The following CCDC57 variants were observed in gnomAD, a reference collection of about 807,000 sequenced individuals.
CCDC57 encodes the protein coiled-coil domain-containing protein 57.
A neutral mutation model predicts 118.9 loss-of-function variants in CCDC57; 118 were observed. The ratio of observed to expected loss-of-function variants is 0.99; its 90% CI spans 0.86 to 1.16. The LOEUF (loss-of-function observed/expected upper bound fraction) is 1.16, where lower values mean the gene tolerates loss of function less well. CCDC57 is among the 50% of genes most tolerant of loss of function. The probability of loss-of-function intolerance (pLI) is 0.00; values close to 1 mark genes in which losing one functional copy is unlikely to be tolerated. For synonymous variants in CCDC57, 527 were observed against 532.9 expected (o/e 0.99, Z 0.15); for missense variants, 1,300 against 1,320.7 (o/e 0.98, Z 0.24).
At chr17:82,124,953 G>A (rs1427662902) in intron 19 of CCDC57, among the ~76,000 whole-genome samples, 1 of 152,184 alleles carries the variant, frequency 6.6e-6, no homozygotes, top group Admixed American at 6.5e-5. Flanking sequence ...GTTTTGTGGT[G>A]AATTAAAAAT....
chr17:82,201,396 A>C lies in CCDC57; in HGVS notation c.407+142T>G. The C allele has an allele frequency of 2.8e-6, 3 of 1,070,712 alleles. No homozygotes were observed. The East Asian group carries it at 7.9e-5, about 28-fold the overall frequency. 66.3% of individuals were successfully genotyped at this position (1,070,712 alleles called of 1,614,324 possible). A position where few individuals can be genotyped will look rare whatever the true frequency, so the allele number is the denominator to read the frequency against. On this transcript the variant is annotated intron_variant, in intron 3 of 19. Coordinates refer to ENST00000665763, the Ensembl canonical transcript of CCDC57. ...CCACGAGGCACTCGGCCACTCAGAC[A>C]GACCAGCTCCCGTGGCCTGGAATCA...
chr17:82,116,388 G>A (rs2035921028), intron 19 of CCDC57, among the ~76,000 whole-genome samples: 1 of 152,000 alleles, frequency 6.6e-6, no homozygotes, highest in South Asian at 2.1e-4. Context: ...CCCACCCCCA[G>A]GGAGCGGCCC....
chr17:82,101,867 C>T lies in CCDC57; in HGVS notation c.2900-1G>A, dbSNP rs1383447617. The T allele has an allele frequency of 6.4e-7, 1 of 1,569,198 alleles. No homozygotes were observed. The highest frequency in any genetic ancestry group is 8.6e-7 in the Non-Finnish European group (1 of 1,160,192). Reference sequence around the variant, plus strand: ...TCGGCTGCTGGAGGAGCTGGGAGCTCTGTCAGGTAAAGAGGAAAAAACAGC... The same window carrying T: ...TCGGCTGCTGGAGGAGCTGGGAGCTTTGTCAGGTAAAGAGGAAAAAACAGC... On this transcript the variant is annotated splice_acceptor_variant, in intron 19 of 19. Transcript: ENST00000665763. LOFTEE classifies it high-confidence loss of function.
chr17:82,184,334 TCCTCGCCATG>T (rs2046673274), intron 8 of CCDC57, among the ~76,000 whole-genome samples: 1 of 151,226 alleles, frequency 6.6e-6, no homozygotes, highest in Non-Finnish European at 1.5e-5. Context: ...CACCCTCATG[TCCTCGCCATG>T]CCTAGCACAG....
At chr17:82,129,837 G>A (rs980730197) in intron 17 of CCDC57, among the ~76,000 whole-genome samples, 4 of 152,076 alleles carry the variant, frequency 2.6e-5, no homozygotes, top group Non-Finnish European at 5.9e-5. Flanking sequence ...GTTCCAGTGA[G>A]CCTGGATCAC....
At chr17:82,131,516 A>C (rs1335107294) in intron 17 of CCDC57, among the ~76,000 whole-genome samples, 2 of 152,088 alleles carry the variant, frequency 1.3e-5, no homozygotes, top group African/African-American at 4.8e-5. Flanking sequence ...AGAGGTGGGC[A>C]AATTGCTTCA....
At chr17:82,121,402 T>C (rs935454810) in intron 19 of CCDC57, among the ~76,000 whole-genome samples, 7 of 152,138 alleles carry the variant, frequency 4.6e-5, no homozygotes, top group Non-Finnish European at 7.4e-5. Flanking sequence ...CTCGAGGACA[T>C]GACCTCACTC....
In CCDC57 at chr17:82,181,833, A is replaced by G. The variant is rs116125723; in HGVS notation, c.1211+1941T>C. ...AACATTGGAATCAAGAGTTGAGAAC[A>G]TAAGCCAGGCGGGGTGGCTCACGCC... On this transcript the variant is annotated intron_variant, in intron 9 of 19. Transcript: ENST00000665763. 7.3e-3 allele frequency among the ~76,000 whole-genome samples: 1,107 copies of G among 152,302 alleles called. 11 individuals carry two copies. Among genetic ancestry groups the G allele is most frequent in the African/African-American group, 0.026 (1,081 of 41,566 alleles).
chr17:82,187,730 G>A (rs1452077764), intron 8 of CCDC57, among the ~76,000 whole-genome samples: 2 of 93,200 alleles, frequency 2.1e-5, no homozygotes, highest in African/African-American at 4.3e-5. Flanking sequence ...GGGGCTCGGC[G>A]TTGGGGGAAC....
chr17:82,204,819 ACTGAGGACATCTGGACC>A (rs1270978049), intron 2 of CCDC57, among the ~76,000 whole-genome samples: 1 of 151,174 alleles, frequency 6.6e-6, no homozygotes, highest in Non-Finnish European at 1.5e-5. Context: ...TTCCCATTCC[ACTGAGGACATCTGGACC>A]CCAGGCTCCT....
intron 16 of CCDC57, among the ~76,000 whole-genome samples, chr17:82,149,885 G>T (rs147325923): frequency 7.3e-6 from 1 of 137,514 alleles, no homozygotes; most frequent in Admixed American, 7.4e-5. Flanking sequence ...AGAACCTGGC[G>T]CACACCCAGA....
intron 16 of CCDC57, among the ~76,000 whole-genome samples, chr17:82,148,054 G>A (rs1484735163): frequency 3.5e-5 from 4 of 113,952 alleles, no homozygotes; most frequent in South Asian, 3.8e-4. Context: ...GGGTGGGTGG[G>A]TGGATGGATG....
In CCDC57 at chr17:82,193,836, A is replaced by C. The variant is rs1471647845; in HGVS notation, c.777-6T>G. ...TATCCTCTAAATCCTTTACCCTGAA[A>C]AGAAACAAATATTTATGGAAGGAGC... On this transcript the variant is annotated splice_polypyrimidine_tract_variant and splice_region_variant and intron_variant, in intron 6 of 19. Coordinates refer to ENST00000665763, the Ensembl canonical transcript of CCDC57. 6.3e-7 allele frequency: 1 copy of C among 1,589,684 alleles called. No homozygotes were observed. The highest frequency in any genetic ancestry group is 1.1e-5 in the South Asian group (1 of 87,918).
chr17:82,171,610 G>A, intron 13 of CCDC57, 91 bp downstream of exon 12: 1 of 1,403,764 alleles, frequency 7.1e-7, no homozygotes, highest in Non-Finnish European at 9.8e-7. Flanking sequence ...CAGTAGCCTT[G>A]AGCTGTATAT....
At chr17:82,153,351 G>T (rs1467747661) in intron 15 of CCDC57, 1 of 152,214 alleles carries the variant, frequency 6.6e-6, no homozygotes, top group Non-Finnish European at 1.5e-5. Flanking sequence ...CCCGAAAACA[G>T]ATTTTGCAAA....
intron 16 of CCDC57, among the ~76,000 whole-genome samples, chr17:82,148,339 G>A (rs2041202470): frequency 2.0e-5 from 1 of 49,660 alleles, no homozygotes; most frequent in Non-Finnish European, 3.6e-5. Context: ...ATGGATGGAT[G>A]GATGGATAGG....
intron 3 of CCDC57, among the ~76,000 whole-genome samples, chr17:82,201,078 C>T (rs901437185): frequency 1.3e-5 from 2 of 152,192 alleles, no homozygotes; most frequent in Non-Finnish European, 2.9e-5. Flanking sequence ...TGAGGGGATA[C>T]CAGGCATGTG....
intron 7 of CCDC57, among the ~76,000 whole-genome samples, chr17:82,189,130 C>T (rs898632153): frequency 7.2e-5 from 11 of 151,904 alleles, no homozygotes; most frequent in Non-Finnish European, 1.5e-4. Context: ...TTAGCCTTTA[C>T]GGTGGCGGGT....
chr17:82,159,556 TGA>T (rs2043067974), intron 14 of CCDC57, among the ~76,000 whole-genome samples: 1 of 152,044 alleles, frequency 6.6e-6, no homozygotes, highest in Non-Finnish European at 1.5e-5. Flanking sequence ...CAGCAGAAAA[TGA>T]GAGGTATGAG....
Sources: gnomAD v4.1 joint callset for allele counts (sites outside exome capture counted in the v4.1 genomes callset) on GRCh38, gnomAD v4.1.1 for gene constraint, MANE v1.5 for transcripts, NCBI Gene and HGNC (gene_info 2026-07-23, HGNC 2026-07-21) for gene names.